MACROD2: variants seen among roughly 807,000 people sequenced by gnomAD.
MACROD2 encodes ADP-ribose glycohydrolase MACROD2.
In MACROD2, 36 loss-of-function variants were observed where a neutral mutation model predicts 70.4. The ratio of observed to expected loss-of-function variants is 0.51; its 90% CI spans 0.39 to 0.68. The LOEUF (loss-of-function observed/expected upper bound fraction) is 0.68. Among genes scored for constraint, MACROD2 ranks in the 30% least tolerant of loss-of-function variants. The probability of loss-of-function intolerance (pLI) is 0.00; values close to 1 mark genes in which losing one functional copy is unlikely to be tolerated. For synonymous variants in MACROD2, 172 were observed against 178.8 expected, an observed-to-expected ratio of 0.96 and a Z score of 0.30; for missense variants, 496 against 538.4, an observed-to-expected ratio of 0.92 and a Z score of 0.78.
intron 5 of MACROD2, among the ~76,000 whole-genome samples, chr20:14,789,795 G>A (rs568990380): frequency 6.6e-6 from 1 of 151,824 alleles, no homozygotes; most frequent in Admixed American, 6.6e-5. Context: ...AAATTCTGAT[G>A]CAAACTTATA....
chr20:14,962,510 GCT>G (rs550218484), intron 5 of MACROD2, among the ~76,000 whole-genome samples: 190 of 144,280 alleles, frequency 1.3e-3, no homozygotes, highest in African/African-American at 3.8e-3. Flanking sequence ...ACAGAATTTT[GCT>G]CTCTCTCTCT....
chr20:15,168,965 GAGGTAGA>G (rs1433346853), intron 5 of MACROD2, among the ~76,000 whole-genome samples: 1 of 152,152 alleles, frequency 6.6e-6, no homozygotes, highest in African/African-American at 2.4e-5. Flanking sequence ...CAAATTAATA[GAGGTAGA>G]AGGTAGAATG....
At chr20:15,737,261 C>T (rs2146959639) in intron 8 of MACROD2, among the ~76,000 whole-genome samples, 1 of 152,290 alleles carries the variant, frequency 6.6e-6, no homozygotes, top group East Asian at 1.9e-4. Context: ...GCTCTAAACA[C>T]TAGTTGGCAT....
intron 8 of MACROD2, among the ~76,000 whole-genome samples, chr20:15,823,590 G>A (rs930122884): frequency 1.3e-5 from 2 of 152,098 alleles, no homozygotes; most frequent in South Asian, 2.1e-4. Context: ...ATTAAATAGC[G>A]GTCATCACGG....
intron 6 of MACROD2, among the ~76,000 whole-genome samples, chr20:15,424,624 G>A (rs1326566638): frequency 6.6e-6 from 1 of 152,216 alleles, no homozygotes; most frequent in East Asian, 1.9e-4. Flanking sequence ...GGAGGCTGAG[G>A]AGGGAGAATG....
At chr20:15,908,793 G>A (rs1407718726) in intron 10 of MACROD2, among the ~76,000 whole-genome samples, 2 of 152,016 alleles carry the variant, frequency 1.3e-5, no homozygotes, top group East Asian at 3.9e-4. Flanking sequence ...ATTTTTGTTT[G>A]GATACTAAGC....
At chr20:15,475,380 G>A (rs139284571) in intron 7 of MACROD2, among the ~76,000 whole-genome samples, 293 of 152,306 alleles carry the variant, frequency 1.9e-3, no homozygotes, top group Non-Finnish European at 3.2e-3. Flanking sequence ...GCTGATGAAA[G>A]TTTTTCTGCT....
chr20:15,277,943 A>G (rs894864563), intron 6 of MACROD2, among the ~76,000 whole-genome samples: 1 of 152,174 alleles, frequency 6.6e-6, no homozygotes, highest in African/African-American at 2.4e-5. Flanking sequence ...TGAATTAGAG[A>G]ACTTGGAAGA....
At chr20:15,479,433 C>T (rs919944436) in intron 7 of MACROD2, among the ~76,000 whole-genome samples, 4 of 151,398 alleles carry the variant, frequency 2.6e-5, no homozygotes, top group African/African-American at 7.3e-5. Flanking sequence ...CCACTACGCC[C>T]GGCTAATTTT....
intron 3 of MACROD2, among the ~76,000 whole-genome samples, chr20:14,298,721 C>G (rs891175410): frequency 6.6e-6 from 1 of 151,818 alleles, no homozygotes; most frequent in Non-Finnish European, 1.5e-5. Flanking sequence ...GGGAGGAGGT[C>G]TGAGTATCAA....
At chr20:14,649,377 G>A (rs568467352) in intron 4 of MACROD2, among the ~76,000 whole-genome samples, 1 of 152,304 alleles carries the variant, frequency 6.6e-6, no homozygotes, top group South Asian at 2.1e-4. Flanking sequence ...ATTCTTATGG[G>A]TAGGGATGTC....
At chr20:15,025,243 G>C (rs1421954950) in intron 5 of MACROD2, among the ~76,000 whole-genome samples, 1 of 151,924 alleles carries the variant, frequency 6.6e-6, no homozygotes, top group Non-Finnish European at 1.5e-5. Flanking sequence ...AAAGATTCTT[G>C]TTAATGGGGG....
At chr20:15,897,417 T>C (rs2064989670) in intron 10 of MACROD2, among the ~76,000 whole-genome samples, 1 of 152,226 alleles carries the variant, frequency 6.6e-6, no homozygotes, top group African/African-American at 2.4e-5. Flanking sequence ...GAATTTGCTG[T>C]ACTTCTTGGA....
intron 8 of MACROD2, among the ~76,000 whole-genome samples, chr20:15,797,631 G>C (rs554025398): frequency 6.6e-6 from 1 of 152,306 alleles, no homozygotes; most frequent in South Asian, 2.1e-4. Context: ...AGCTACAAGG[G>C]AAGCTGGAAA....
At chr20:14,028,000 A>T (rs1001058245) in intron 2 of MACROD2, among the ~76,000 whole-genome samples, 15 of 152,176 alleles carry the variant, frequency 9.9e-5, no homozygotes, top group African/African-American at 3.4e-4. Context: ...ACTTCTGCTG[A>T]AGCTGCGCTC....
At chr20:14,747,897 G>A (rs1247710256) in intron 5 of MACROD2, among the ~76,000 whole-genome samples, 1 of 152,110 alleles carries the variant, frequency 6.6e-6, no homozygotes, top group Admixed American at 6.5e-5. Flanking sequence ...GTATCCACGT[G>A]TAATAAAGTC....
At chr20:14,833,656 A>T (rs909587684) in intron 5 of MACROD2, among the ~76,000 whole-genome samples, 2 of 152,048 alleles carry the variant, frequency 1.3e-5, no homozygotes, top group African/African-American at 4.8e-5. Context: ...TTTCGATTTT[A>T]CTCTAATGTA....
At chr20:14,059,691 T>C (rs2053670456) in intron 2 of MACROD2, among the ~76,000 whole-genome samples, 1 of 152,236 alleles carries the variant, frequency 6.6e-6, no homozygotes, top group Non-Finnish European at 1.5e-5. Flanking sequence ...TCAATATTAC[T>C]GATTGAATTT....
At chr20:14,702,680 T>G (rs1344164241) in intron 5 of MACROD2, among the ~76,000 whole-genome samples, 1 of 136,610 alleles carries the variant, frequency 7.3e-6, no homozygotes, top group Admixed American at 7.7e-5. Flanking sequence ...TATATACACA[T>G]ATATGTGTAT....
Sources: allele counts gnomAD v4.1 joint callset (sites outside exome capture counted in the v4.1 genomes callset), GRCh38; gene constraint gnomAD v4.1.1; transcripts MANE v1.5; gene names NCBI Gene and HGNC (gene_info 2026-07-23, HGNC 2026-07-21).